CYFIP2: variants seen among roughly 807,000 people sequenced by gnomAD.
CYFIP2 encodes cytoplasmic FMR1-interacting protein 2.
CYFIP2 carries 29 observed loss-of-function variants against 158.7 expected under a neutral mutation model. The observed-to-expected ratio is 0.18, with a 90% CI of 0.14 to 0.25. The LOEUF is 0.25. Ranked by LOEUF, CYFIP2 falls within the 10% of genes least tolerant of loss-of-function variation. The pLI is 1.00. For synonymous variants in CYFIP2, 585 were observed against 617.6 expected (o/e 0.95, Z 0.78); for missense variants, 852 against 1,639.5 (o/e 0.52, Z 8.29).
At chr5:157,363,930 C>A (rs1289157971) in intron 26 of CYFIP2, 5 of 152,078 alleles carry the variant, frequency 3.3e-5, no homozygotes, top group Admixed American at 2.0e-4. Flanking sequence ...CCCTCAGTGC[C>A]CCCGTCCCTA....
intron 1 of CYFIP2, among the ~76,000 whole-genome samples, chr5:157,276,721 A>G (rs1411168500): frequency 1.3e-5 from 2 of 152,216 alleles, no homozygotes; most frequent in Non-Finnish European, 2.9e-5. Context: ...GTAAGATTCT[A>G]ACTCAAGCTA....
intron 26 of CYFIP2, among the ~76,000 whole-genome samples, chr5:157,374,239 C>A (rs928407632): frequency 1.3e-5 from 2 of 152,178 alleles, no homozygotes; most frequent in African/African-American, 4.8e-5. Context: ...GAGGTGACCC[C>A]AGGGCCATCA....
At chr5:157,368,972 C>T (rs185124576) in intron 26 of CYFIP2, among the ~76,000 whole-genome samples, 166 of 151,540 alleles carry the variant, frequency 1.1e-3, no homozygotes, top group African/African-American at 4.0e-3. Context: ...AATCTTGGCT[C>T]ACTGCAGCCT....
At chr5:157,303,548 A>G (rs1366991135) in intron 7 of CYFIP2, among the ~76,000 whole-genome samples, 2 of 152,176 alleles carry the variant, frequency 1.3e-5, no homozygotes, top group Non-Finnish European at 2.9e-5. Flanking sequence ...TCCATCTTCC[A>G]AGGGTGTTCA....
intron 3 of CYFIP2, among the ~76,000 whole-genome samples, chr5:157,290,536 C>G (rs1481276808): frequency 7.1e-6 from 1 of 141,720 alleles, no homozygotes; most frequent in Non-Finnish European, 1.6e-5. Flanking sequence ...TTGCAAGGCT[C>G]TTAATTGGTC....
chr5:157,373,331 G>A (rs1765166152), intron 26 of CYFIP2, among the ~76,000 whole-genome samples: 1 of 152,200 alleles, frequency 6.6e-6, no homozygotes, highest in Admixed American at 6.5e-5. Context: ...CTTAAGGCTT[G>A]TTGACATTTA....
chr5:157,318,358 A>T (rs74350494), intron 13 of CYFIP2, among the ~76,000 whole-genome samples: 10,262 of 152,254 alleles, frequency 0.067, 414 homozygotes, highest in Non-Finnish European at 0.091. Context: ...ATTTGGAGCC[A>T]TTCTGAGACA....
Position 157,361,798 on chromosome 5 carries a change from T to G in CYFIP2, c.3039+200T>G, listed in dbSNP as rs1763850736. ...TTAGTGCAGTTGTCTAGGTCTCAGTTTGCCATTCCCTCATGTTATGGAACC... is the reference window on the plus strand; with the variant it reads ...TTAGTGCAGTTGTCTAGGTCTCAGTGTGCCATTCCCTCATGTTATGGAACC... On this transcript the variant is annotated intron_variant, in intron 26 of 30. Coordinates refer to ENST00000620254, the MANE Select transcript of CYFIP2 (RefSeq NM_001037333.3). This position sits in a 1 kb window ranked among gnomAD's most constrained non-coding sequence, Gnocchi z 4.4. Among the ~76,000 whole-genome samples, 1 of 152,178 alleles carries G rather than the reference T, an allele frequency of 6.6e-6. No individual in the cohort carries two copies. The highest frequency in any genetic ancestry group is 1.5e-5 in the Non-Finnish European group (1 of 68,030).
chr5:157,343,306 G>A, intron 23 of CYFIP2: 2 of 1,614,200 alleles, frequency 1.2e-6, no homozygotes, highest in Non-Finnish European at 1.7e-6. Context: ...CCTTCTTACA[G>A]CTGATGCACA....
chr5:157,308,423 G>T lies in CYFIP2; in HGVS notation c.900+558G>T, dbSNP rs1046306377. ...CTGTGTTTCAGTGCCTCTGAGAGTT[G>T]ATCTTTTGGCCACAGATCTTTAAAA... On this transcript the variant is annotated intron_variant, in intron 9 of 30. Coordinates refer to ENST00000620254, the MANE Select transcript of CYFIP2 (RefSeq NM_001037333.3). Among the ~76,000 whole-genome samples, 4 of 152,132 alleles carry T rather than the reference G, an allele frequency of 2.6e-5. No individual in the cohort carries two copies. The South Asian group carries it at 6.2e-4, about 24-fold the overall frequency.
chr5:157,271,538 A>G (rs1756090282), intron 1 of CYFIP2: 1 of 152,308 alleles, frequency 6.6e-6, no homozygotes, highest in Non-Finnish European at 1.5e-5. Context: ...AGAGATCTTG[A>G]ACCCTCGCCT....
chr5:157,368,841 G>A (rs1251927508), intron 26 of CYFIP2, among the ~76,000 whole-genome samples: 2 of 152,000 alleles, frequency 1.3e-5, no homozygotes, highest in African/African-American at 2.4e-5. Context: ...TCAGCACAGA[G>A]GGTTACCCTC....
intron 21 of CYFIP2, among the ~76,000 whole-genome samples, chr5:157,337,371 G>C (rs188895480): frequency 6.6e-6 from 1 of 152,128 alleles, no homozygotes; most frequent in Non-Finnish European, 1.5e-5. Context: ...ACATGGCAGC[G>C]GTCAGACGGG....
chr5:157,383,715 T>C (rs1581197029), intron 28 of CYFIP2: 1 of 191,102 alleles, frequency 5.2e-6, no homozygotes, highest in East Asian at 1.2e-4. Flanking sequence ...TGGATACTTT[T>C]GCTAAAGAAA....
At chr5:157,351,284 T>C (rs1174166367) in intron 23 of CYFIP2, among the ~76,000 whole-genome samples, 1 of 152,212 alleles carries the variant, frequency 6.6e-6, no homozygotes, top group Non-Finnish European at 1.5e-5. Context: ...TTCAGAGCCA[T>C]TTCCTGAGTT....
chr5:157,291,745 A>G lies in CYFIP2; in HGVS notation c.208-3038A>G, dbSNP rs144009705. Among the ~76,000 whole-genome samples the G allele has an allele frequency of 1.4e-4, 21 of 152,370 alleles. 1 individual carries two copies. The highest frequency in any genetic ancestry group is 5.0e-4 in the African/African-American group (21 of 41,592). On this transcript the variant is annotated intron_variant, in intron 3 of 30. Coordinates refer to ENST00000620254, the MANE Select transcript of CYFIP2 (RefSeq NM_001037333.3). ...ATCATTGAAGTGTGACTTGTCAATG[A>G]CATTTGCTGCTGAAAACAGAACTGT...
chr5:157,385,944 T>A (rs1328554903), intron 28 of CYFIP2, among the ~76,000 whole-genome samples: 2 of 152,058 alleles, frequency 1.3e-5, no homozygotes, highest in Non-Finnish European at 2.9e-5. Context: ...AAAGCTATGT[T>A]AAACACTCCC....
At position 157,279,514 on chromosome 5, in the gene CYFIP2, C is replaced by G. The variant is rs180801825; in HGVS notation, c.-23-5825C>G. On this transcript the variant is annotated intron_variant, in intron 1 of 30. Coordinates refer to ENST00000620254, the MANE Select transcript of CYFIP2 (RefSeq NM_001037333.3). ...CGCCCTGCATTTATGGGACCCACCC[C>G]CCTCTTGCTTGGGGTCTGTCAGTCA... Among the ~76,000 whole-genome samples the G allele has an allele frequency of 4.3e-3, 651 of 152,340 alleles. 5 individuals are homozygous for G. The highest frequency in any genetic ancestry group is 0.015 in the African/African-American group (613 of 41,562).
intron 9 of CYFIP2, among the ~76,000 whole-genome samples, chr5:157,308,619 G>A (rs553620222): frequency 1.3e-5 from 2 of 152,316 alleles, no homozygotes; most frequent in East Asian, 3.9e-4. Flanking sequence ...ACTCAGTGGT[G>A]TGACATGGAG....
Sources: gnomAD v4.1 joint callset for allele counts (sites outside exome capture counted in the v4.1 genomes callset) on GRCh38, gnomAD v4.1.1 for gene constraint, Gnocchi (gnomAD v3.1) non-coding constraint, MANE v1.5 for transcripts, NCBI Gene and HGNC (gene_info 2026-07-23, HGNC 2026-07-21) for gene names.